The following PTPRO variants were observed in gnomAD, a reference collection of about 807,000 sequenced individuals.
PTPRO encodes receptor-type tyrosine-protein phosphatase O.
PTPRO carries 62 observed loss-of-function variants against 145.2 expected under a neutral mutation model. That is an observed-to-expected ratio of 0.43 (90% CI 0.35 to 0.53). PTPRO has a LOEUF of 0.53. PTPRO is among the 20% of genes least tolerant of loss of function. PTPRO has a pLI of 0.01. For synonymous variants in PTPRO, 565 were observed against 514.7 expected (o/e 1.10, Z -1.32); for missense variants, 1,345 against 1,482.7 (o/e 0.91, Z 1.53).
At chr12:15,483,667 C>T (rs1031487442) in intron 1 of PTPRO, among the ~76,000 whole-genome samples, 3 of 152,080 alleles carry the variant, frequency 2.0e-5, no homozygotes, top group African/African-American at 7.2e-5. Context: ...ATTATTTACT[C>T]CTCCACAGGA....
At chr12:15,416,266 A>G (rs1434640061) in intron 1 of PTPRO, among the ~76,000 whole-genome samples, 2 of 151,056 alleles carry the variant, frequency 1.3e-5, no homozygotes, top group East Asian at 1.9e-4. Flanking sequence ...TGTTTCCCAC[A>G]TGTCATGATT....
At chr12:15,462,775 TAG>T (rs1941334413) in intron 1 of PTPRO, among the ~76,000 whole-genome samples, 1 of 152,204 alleles carries the variant, frequency 6.6e-6, no homozygotes, top group African/African-American at 2.4e-5. Context: ...TAATGTATGC[TAG>T]CTATTACAAT....
intron 1 of PTPRO, among the ~76,000 whole-genome samples, chr12:15,333,282 C>G (rs1866663981): frequency 6.6e-6 from 1 of 152,100 alleles, no homozygotes. Context: ...AATATTTTAC[C>G]ACTCTTACCT....
At chr12:15,353,342 A>G (rs2136233657) in intron 1 of PTPRO, among the ~76,000 whole-genome samples, 1 of 152,338 alleles carries the variant, frequency 6.6e-6, no homozygotes, top group East Asian at 1.9e-4. Flanking sequence ...CACTTATTAT[A>G]AATTATGATA....
At position 15,538,188 on chromosome 12, in the gene PTPRO, T is replaced by C. The variant is rs112391782; in HGVS notation, c.2165-8381T>C. ...CCTCCTCACTGCAGTCTTCTGAGTG[T>C]CACCATGGTTTGTCAACTGCCCAGA... On this transcript the variant is annotated intron_variant, in intron 12 of 26. Coordinates refer to ENST00000281171, the MANE Select transcript of PTPRO (RefSeq NM_030667.3). Among the ~76,000 whole-genome samples the C allele has an allele frequency of 1.8e-3, 278 of 151,532 alleles. 9 individuals are homozygous for C. The highest frequency in any genetic ancestry group is 6.3e-3 in the African/African-American group (262 of 41,324).
intron 12 of PTPRO, among the ~76,000 whole-genome samples, chr12:15,529,869 T>C (rs962096318): frequency 1.3e-5 from 2 of 152,210 alleles, no homozygotes; most frequent in African/African-American, 4.8e-5. Context: ...AATCCGTACT[T>C]AGCAATAATA....
chr12:15,527,640 C>A (rs1942868842), intron 12 of PTPRO, among the ~76,000 whole-genome samples: 1 of 152,152 alleles, frequency 6.6e-6, no homozygotes, highest in South Asian at 2.1e-4. Context: ...AGGATAATTC[C>A]TTTAAGACCT....
At chr12:15,496,577 G>A (rs551504891) in intron 2 of PTPRO, among the ~76,000 whole-genome samples, 8 of 152,202 alleles carry the variant, frequency 5.3e-5, no homozygotes, top group African/African-American at 1.7e-4. Flanking sequence ...ATCGATCATG[G>A]ATTTTAAAAA....
intron 23 of PTPRO, among the ~76,000 whole-genome samples, chr12:15,582,704 G>T (rs977122704): frequency 6.6e-6 from 1 of 151,916 alleles, no homozygotes; most frequent in Non-Finnish European, 1.5e-5. Flanking sequence ...AGTAGTTTGG[G>T]TTTTGTTTTG....
Position 15,565,765 on chromosome 12 carries a change from T to C in PTPRO, c.2747+137T>C, listed in dbSNP as rs565697853. On this transcript the variant is annotated intron_variant, in intron 18 of 26. Transcript: ENST00000281171. ...TGCATATTACAATAGCTAAGCACAA[T>C]AATGTACTGGTTGTTTATGCCTGAG... 43 of 640,950 alleles carry C rather than the reference T, an allele frequency of 6.7e-5. No individual in the cohort carries two copies. The East Asian group carries it at 1.1e-3, about 17-fold the overall frequency. The allele number at this position is 640,950 out of a possible 1,614,324, so 39.7% of individuals were successfully genotyped here. A position where few individuals can be genotyped will look rare whatever the true frequency, so the allele number is the denominator to read the frequency against.
At chr12:15,438,545 G>C (rs58153972) in intron 1 of PTPRO, among the ~76,000 whole-genome samples, 13,398 of 151,728 alleles carry the variant, frequency 0.088, 1,693 homozygotes, top group African/African-American at 0.27. Flanking sequence ...AAAAACTCAC[G>C]TAAAGAATTC....
At position 15,569,506 on chromosome 12, in the gene PTPRO, G is replaced by A. The variant is rs116693321; in HGVS notation, c.2829+8G>A. The A allele has an allele frequency of 5.4e-4, 864 of 1,604,354 alleles. 6 individuals carry two copies. In the African/African-American group the frequency reaches 0.011, roughly 20 times the overall value. On this transcript the variant is annotated splice_region_variant and intron_variant, in intron 19 of 26. Coordinates refer to ENST00000281171, the MANE Select transcript of PTPRO (RefSeq NM_030667.3). ...TTTTCTCTTCAGTTTGAGGTGAGTT[G>A]GTTAAGGCATTTTCTACCTTCTGTA...
At chr12:15,409,475 C>G (rs1424298479) in intron 1 of PTPRO, among the ~76,000 whole-genome samples, 1 of 152,092 alleles carries the variant, frequency 6.6e-6, no homozygotes, top group Non-Finnish European at 1.5e-5. Flanking sequence ...ACCCACAGGA[C>G]GTATTCTTCC....
chr12:15,478,278 A>G (rs938892728), intron 1 of PTPRO, among the ~76,000 whole-genome samples: 4 of 152,230 alleles, frequency 2.6e-5, no homozygotes, highest in African/African-American at 9.6e-5. Flanking sequence ...TCAAGCATCT[A>G]TGATAGCAAC....
chr12:15,424,895 G>A (rs1404736050), intron 1 of PTPRO, among the ~76,000 whole-genome samples: 1 of 152,070 alleles, frequency 6.6e-6, no homozygotes, highest in South Asian at 2.1e-4. Context: ...AGATTGTGAG[G>A]ATGGCTCCCA....
rs767372861 is a variant in PTPRO, at chr12:15,546,683, G to A, written c.2279G>A (p.Gly760Asp). 44 of 1,613,826 alleles carry A rather than the reference G, an allele frequency of 2.7e-5. No individual in the cohort carries two copies. The Middle Eastern group carries it at 1.6e-3, about 60-fold the overall frequency. ...TTTGAAGTTTTCTGTCAACAAGTTG[G>A]CTCCAGTCAGAAAACCAAACTTCAG... ...DFFEVFCQQVGSSQKTKLQEP... is the reference protein window; with the variant it reads ...DFFEVFCQQVDSSQKTKLQEP... Residue 760 changes from glycine to aspartate, a missense_variant, in exon 13 of 27, where the codon GGC becomes GAC. Physicochemically the swap from Gly to Asp is moderately conservative, Grantham distance 94 (BLOSUM62 -1). This residue lies in a region of PTPRO where 1,130 missense variants were observed against 1,214.7 expected (regional missense o/e 0.93). Transcript: ENST00000281171.
rs1940959851 is a variant in PTPRO, at chr12:15,448,355, A to AAAAAAAAAAAAAAAAAAAAAC, written c.76-35614_76-35613insAAAAAAAAAAAAAAACAAAAA. Among the ~76,000 whole-genome samples, 4 of 149,044 alleles carry AAAAAAAAAAAAAAAAAAAAAC rather than the reference A, an allele frequency of 2.7e-5. 1 individual carries two copies. The highest frequency in any genetic ancestry group is 4.5e-5 in the Non-Finnish European group (3 of 67,054). On this transcript the variant is annotated intron_variant, in intron 1 of 26. Coordinates refer to ENST00000281171, the MANE Select transcript of PTPRO (RefSeq NM_030667.3). ...TGTTCCTAGTAAAAAAAAAAAAAAA[A>AAAAAAAAAAAAAAAAAAAAAC]AAAAAGCACCGATTGAGAAGGAAGT...
At chr12:15,516,316 A>G (rs1484930582) in intron 8 of PTPRO, among the ~76,000 whole-genome samples, 1 of 147,776 alleles carries the variant, frequency 6.8e-6, no homozygotes, top group Non-Finnish European at 1.5e-5. Flanking sequence ...TAGCCTTGGT[A>G]ACATAGCAAG....
chr12:15,521,958 G>C (rs1048361086), intron 10 of PTPRO, among the ~76,000 whole-genome samples: 1 of 152,142 alleles, frequency 6.6e-6, no homozygotes, highest in Non-Finnish European at 1.5e-5. Context: ...GCAGTCTGTT[G>C]TCACCAATGT....
Sources: gnomAD v4.1 joint callset for allele counts (sites outside exome capture counted in the v4.1 genomes callset) on GRCh38, gnomAD v4.1.1 for gene constraint, gnomAD v4.1.1 regional missense constraint, MANE v1.5 for transcripts, NCBI Gene and HGNC (gene_info 2026-07-23, HGNC 2026-07-21) for gene names.